Variants in ZC3H13 observed in about 807,000 individuals in gnomAD.
The protein encoded by ZC3H13 is zinc finger CCCH domain-containing protein 13.
Under a neutral mutation model 204.1 loss-of-function variants are expected in ZC3H13, and 64 were observed. That is an observed-to-expected ratio of 0.31 (90% CI 0.26 to 0.39). The LOEUF is 0.39. ZC3H13 is among the 10% of genes least tolerant of loss of function. The pLI, the probability that ZC3H13 is intolerant of heterozygous loss-of-function variation, is 1.00. For synonymous variants in ZC3H13, 667 were observed against 693.7 expected, an observed-to-expected ratio of 0.96 and a Z score of 0.60; for missense variants, 1,833 against 2,082.7, an observed-to-expected ratio of 0.88 and a Z score of 2.33.
At chr13:45,983,296 T>C (rs894079002) in intron 10 of ZC3H13, among the ~76,000 whole-genome samples, 1 of 147,678 alleles carries the variant, frequency 6.8e-6, no homozygotes, top group South Asian at 2.1e-4. Context: ...ACTTAATCCT[T>C]AACACAATAA....
At chr13:45,972,644 C>A (rs1952680301) in intron 12 of ZC3H13, among the ~76,000 whole-genome samples, 1 of 152,162 alleles carries the variant, frequency 6.6e-6, no homozygotes, top group African/African-American at 2.4e-5. Flanking sequence ...TATAGATGAA[C>A]AACCATGTGG....
At chr13:46,001,265 C>T (rs186941743) in intron 8 of ZC3H13, 2 of 152,162 alleles carry the variant, frequency 1.3e-5, no homozygotes, top group South Asian at 2.1e-4. Flanking sequence ...AAAATTGGTG[C>T]GCCTGTAATT....
At chr13:45,976,716 A>C (rs765612464) in intron 11 of ZC3H13, among the ~76,000 whole-genome samples, 7 of 152,224 alleles carry the variant, frequency 4.6e-5, no homozygotes, top group Non-Finnish European at 1.0e-4. Context: ...GGATGGCATG[A>C]ACTTTTTCAA....
Position 45,967,555 on chromosome 13 carries a change from C to T in ZC3H13, c.4270G>A (p.Val1424Met), listed in dbSNP as rs943784358. Reference sequence around the variant, plus strand: ...TTATTTGTTTCTTCAAATCCCTGCACAGATCCCAGATCTTTATCCATTCTC... The same window carrying T: ...TTATTTGTTTCTTCAAATCCCTGCATAGATCCCAGATCTTTATCCATTCTC... ...KERMDKDLGS[V>M]QGFEETNKSE... The change falls in exon 15 of 19, where the codon GTG becomes ATG. Residue 1424 changes from valine to methionine, a missense_variant. Val to Met is a conservative substitution (Grantham distance 21). Coordinates refer to ENST00000679008, the MANE Select transcript of ZC3H13 (RefSeq NM_001330564.2). The T allele has an allele frequency of 6.2e-7, 1 of 1,605,658 alleles. No homozygotes were observed. The highest frequency in any genetic ancestry group is 1.7e-5 in the Admixed American group (1 of 58,770).
At chr13:45,976,566 G>A (rs1593503803) in intron 11 of ZC3H13, among the ~76,000 whole-genome samples, 1 of 152,172 alleles carries the variant, frequency 6.6e-6, no homozygotes, top group East Asian at 1.9e-4. Flanking sequence ...TTCTTAAAAT[G>A]TTAACTGATA....
rs867480286 is a variant in ZC3H13 at position 45,969,158 on chromosome 13, G to A, written c.3386C>T (p.Ser1129Phe). Residue 1129 changes from serine to phenylalanine, a missense_variant, in exon 14 of 19, where the codon TCT becomes TTT. Ser to Phe is a radical substitution (Grantham distance 155, BLOSUM62 -2). Transcript: ENST00000679008. ...AATAGTGATGGCAGATGTGCTGAAA[G>A]AGGTGGCGGCAGCAGCAGTAGTGGC... ...LAATTAAAAT[S>F]FSTSAITIST... 1 of 1,614,148 alleles carries A rather than the reference G, an allele frequency of 6.2e-7. No homozygotes were observed.
At chr13:46,036,977 C>T (rs1236746266) in intron 4 of ZC3H13, among the ~76,000 whole-genome samples, 2 of 152,120 alleles carry the variant, frequency 1.3e-5, no homozygotes, top group Non-Finnish European at 2.9e-5. Context: ...CCTCAGCCTC[C>T]CAAAGTGCTA....
At chr13:46,040,183 A>G (rs960074459) in intron 4 of ZC3H13, among the ~76,000 whole-genome samples, 1 of 152,202 alleles carries the variant, frequency 6.6e-6, no homozygotes, top group Non-Finnish European at 1.5e-5. Context: ...AACATTAGAC[A>G]TTAGAAAACT....
At chr13:46,009,846 A>G (rs1006298914) in intron 7 of ZC3H13, among the ~76,000 whole-genome samples, 1 of 152,164 alleles carries the variant, frequency 6.6e-6, no homozygotes, top group Non-Finnish European at 1.5e-5. Context: ...CAGTTTAAAA[A>G]TCGGAAACAA....
At chr13:45,986,800 A>G (rs931620699) in intron 9 of ZC3H13, among the ~76,000 whole-genome samples, 6 of 152,212 alleles carry the variant, frequency 3.9e-5, no homozygotes, top group Non-Finnish European at 7.3e-5. Flanking sequence ...CCAAAACATT[A>G]TAAGTTTACC....
intron 9 of ZC3H13, among the ~76,000 whole-genome samples, chr13:45,986,656 T>C (rs188969269): frequency 2.0e-5 from 3 of 152,316 alleles, no homozygotes; most frequent in Admixed American, 6.5e-5. Flanking sequence ...AAATCTGATA[T>C]GAAGCCAAAG....
Position 46,020,458 on chromosome 13 carries a change from T to G in ZC3H13, c.439A>C (p.Asn147His), listed in dbSNP as rs1184161562. Residue 147 changes from asparagine to histidine, a missense_variant, in exon 5 of 19, where the codon AAT becomes CAT. This residue lies in a region of ZC3H13 where 1,574 missense variants were observed against 1,757.2 expected (regional missense o/e 0.90). Coordinates refer to ENST00000679008, the MANE Select transcript of ZC3H13 (RefSeq NM_001330564.2). ...AGATTCTGAAACTCACCATCTCTAT[T>G]AGTTTCCCATTCTACATTTTCTTCT... ...SEEENVEWETNRDDSDNGDIN... is the reference protein window; with the variant it reads ...SEEENVEWETHRDDSDNGDIN... 1.9e-6 allele frequency: 3 copies of G among 1,605,196 alleles called. No individual in the cohort carries two copies. Among genetic ancestry groups the G allele is most frequent in the East Asian group, 2.2e-5 (1 of 44,702 alleles).
At chr13:46,001,256 A>C (rs2040723668) in intron 8 of ZC3H13, 1 of 152,168 alleles carries the variant, frequency 6.6e-6, no homozygotes, top group African/African-American at 2.4e-5. Context: ...AGCTTCAATA[A>C]AATTGGTGCG....
intron 4 of ZC3H13, among the ~76,000 whole-genome samples, chr13:46,028,066 G>A (rs1327318270): frequency 1.3e-5 from 2 of 151,520 alleles, no homozygotes; most frequent in Non-Finnish European, 2.9e-5. Flanking sequence ...AAGACCCAAT[G>A]GTATGTTGTC....
At chr13:45,967,127 T>C (rs1411073501) in intron 15 of ZC3H13, among the ~76,000 whole-genome samples, 1 of 152,202 alleles carries the variant, frequency 6.6e-6, no homozygotes, top group Middle Eastern at 3.2e-3. Context: ...AGGGATTCAC[T>C]AATAATTATT....
At chr13:45,995,323 C>T (rs1237346524) in intron 8 of ZC3H13, among the ~76,000 whole-genome samples, 3 of 152,208 alleles carry the variant, frequency 2.0e-5, no homozygotes, top group Non-Finnish European at 2.9e-5. Flanking sequence ...TAAACTCTTT[C>T]TAGATATGAG....
At chr13:46,030,990 C>T (rs959697534) in intron 4 of ZC3H13, among the ~76,000 whole-genome samples, 8 of 151,954 alleles carry the variant, frequency 5.3e-5, no homozygotes, top group Admixed American at 2.6e-4. Context: ...TACTGAAGAA[C>T]GAAGTCATGA....
At chr13:46,038,899 G>A (rs1301768738) in intron 4 of ZC3H13, among the ~76,000 whole-genome samples, 1 of 152,116 alleles carries the variant, frequency 6.6e-6, no homozygotes, top group African/African-American at 2.4e-5. Flanking sequence ...GCACGCACCT[G>A]TAATCTCAGC....
chr13:45,984,004 G>A (rs1953945784), intron 10 of ZC3H13, among the ~76,000 whole-genome samples: 1 of 152,162 alleles, frequency 6.6e-6, no homozygotes, highest in African/African-American at 2.4e-5. Flanking sequence ...CTAAAGCACT[G>A]TTTGAAAGAG....
Sources: allele counts gnomAD v4.1 joint callset (sites outside exome capture counted in the v4.1 genomes callset), GRCh38; gene constraint gnomAD v4.1.1; regional missense constraint gnomAD v4.1.1; transcripts MANE v1.5; gene names NCBI Gene and HGNC (gene_info 2026-07-23, HGNC 2026-07-21).